The following TRIM14 variants were observed in gnomAD, a reference collection of about 807,000 sequenced individuals.
TRIM14 encodes the protein tripartite motif-containing protein 14.
Under a neutral mutation model 44.5 loss-of-function variants are expected in TRIM14, and 28 were observed. That is an observed-to-expected ratio of 0.63 (90% CI 0.47 to 0.86). The LOEUF (loss-of-function observed/expected upper bound fraction) is 0.86. Ranked by LOEUF, TRIM14 falls within the 40% of genes least tolerant of loss-of-function variation. The pLI, the probability that TRIM14 is intolerant of heterozygous loss-of-function variation, is 0.00. For missense variants in TRIM14, 607 were observed against 611.1 expected (o/e 0.99, Z 0.07); for synonymous variants, 299 against 269.2 (o/e 1.11, Z -1.08).
At chr9:98,076,593 T>G in intron 6 of TRIM14, 2 of 273,450 alleles carry the variant, frequency 7.3e-6, no homozygotes, top group Non-Finnish European at 1.4e-5. Context: ...CAGGCTAGTC[T>G]CAAACTCCTG....
At chr9:98,068,665 A>AAG (rs1463776822), downstream of TRIM14, among the ~76,000 whole-genome samples, 1 of 151,224 alleles carries the variant, frequency 6.6e-6, no homozygotes, top group African/African-American at 2.4e-5. Flanking sequence ...AAAAAAAAAA[A>AAG]AGCCAGGCAT....
At chr9:98,084,154 A>T (rs979707088), downstream of TRIM14, among the ~76,000 whole-genome samples, 1 of 152,076 alleles carries the variant, frequency 6.6e-6, no homozygotes, top group Non-Finnish European at 1.5e-5. Context: ...CTCAAGAGAC[A>T]GAAGAGTCAG....
chr9:98,112,917 C>A (rs2118663382), intron 1 of TRIM14, among the ~76,000 whole-genome samples: 1 of 151,226 alleles, frequency 6.6e-6, no homozygotes, highest in African/African-American at 2.4e-5. Context: ...AATTTGAGAC[C>A]AGCCTGGCTA....
chr9:98,047,630 GTTAC>G, the TRIM14 span, among the ~76,000 whole-genome samples: 1 of 152,138 alleles, frequency 6.6e-6, no homozygotes, highest in Admixed American at 6.6e-5. Flanking sequence ...GGTACCAGAA[GTTAC>G]TTCACATTAT....
intron 5 of TRIM14, 98 bp from the exon 6 acceptor site, chr9:98,088,103 G>C: frequency 7.7e-7 from 1 of 1,304,226 alleles, no homozygotes. Flanking sequence ...CACAAAATGC[G>C]AAGCGCGGAA....
At chr9:98,059,475 C>T in the TRIM14 span, among the ~76,000 whole-genome samples, 1 of 152,168 alleles carries the variant, frequency 6.6e-6, no homozygotes, top group Non-Finnish European at 1.5e-5. Flanking sequence ...AGTGCAGTGG[C>T]ACCATCATAG....
chr9:98,103,935 G>A (rs1043831673), intron 2 of TRIM14, among the ~76,000 whole-genome samples: 8 of 151,956 alleles, frequency 5.3e-5, no homozygotes, highest in African/African-American at 1.9e-4. Context: ...CACCCAGCCA[G>A]TCACGAGGGG....
the TRIM14 span, among the ~76,000 whole-genome samples, chr9:98,041,996 T>TA: frequency 2.6e-5 from 4 of 151,226 alleles, no homozygotes; most frequent in South Asian, 6.3e-4. Flanking sequence ...GGACATCTTT[T>TA]AAAAAAAAGT....
the TRIM14 span, among the ~76,000 whole-genome samples, chr9:98,063,556 T>C: frequency 6.6e-6 from 1 of 151,278 alleles, no homozygotes; most frequent in African/African-American, 2.4e-5. Context: ...TTTTTTTGTT[T>C]TTTGAGATGG....
In TRIM14 at chr9:98,087,620, G is replaced by A; in HGVS notation, c.1179C>T (p.Val393=). 6.2e-7 allele frequency: 1 copy of A among 1,601,406 alleles called. No homozygotes were observed. The highest frequency in any genetic ancestry group is 8.5e-7 in the Non-Finnish European group (1 of 1,177,570). The change falls in exon 6 of 6, where the codon GTC becomes GTT. Residue 393 remains valine, a synonymous_variant. Coordinates refer to ENST00000341469, the MANE Select transcript of TRIM14 (RefSeq NM_014788.4). ...GGACGCCGGCCTCGTAGTCCAGGAA[G>A]ACGCCGAGCCGGTCGAGGTCGTCGC... is the stretch of plus-strand genomic sequence containing the variant. The part of the protein sequence containing the change: ...RPRDDLDRLG[V]FLDYEAGVLA...
downstream of TRIM14, among the ~76,000 whole-genome samples, chr9:98,067,449 A>G (rs916627925): frequency 7.9e-5 from 12 of 152,144 alleles, no homozygotes; most frequent in Non-Finnish European, 1.6e-4. Flanking sequence ...TGGATGTGAC[A>G]TGGTGTCTCA....
In TRIM14 at chr9:98,091,938, G is replaced by T. The variant is rs751550332; in HGVS notation, c.764C>A (p.Pro255His). ...CAGCAATAGCGATCGCTCTGGTGAG[G>T]GGCTGGTTTTCAACAAGGTACCTGG... ...TKPGTLLKTS[P>H]SPERSLLLKY... Residue 255 changes from proline (P) to histidine (H), a missense_variant, in exon 5 of 6, where the codon CCC becomes CAC. Transcript: ENST00000341469. 1 of 1,610,688 alleles carries T rather than the reference G, an allele frequency of 6.2e-7. No individual in the cohort carries two copies. Among genetic ancestry groups the T allele is most frequent in the Non-Finnish European group, 8.5e-7 (1 of 1,177,584 alleles).
At chr9:98,061,805 A>G in the TRIM14 span, among the ~76,000 whole-genome samples, 1 of 151,330 alleles carries the variant, frequency 6.6e-6, no homozygotes, top group African/African-American at 2.4e-5. Context: ...AATAATAATA[A>G]TAATAGTAAT....
rs1825727340 is a variant in TRIM14 at position 98,085,125 on chromosome 9, AC to A, written c.*2344del. 6.6e-6 allele frequency: 1 copy of A among 152,160 alleles called. No homozygotes were observed. Among genetic ancestry groups the A allele is most frequent in the South Asian group, 2.1e-4 (1 of 4,818 alleles). The allele number at this position is 152,160 out of a possible 1,614,324, so 9.4% of individuals were successfully genotyped here. On this transcript the variant is annotated 3_prime_UTR_variant, in exon 6 of 6. Transcript: ENST00000341469. Reference sequence around the variant, plus strand: ...TCTGGGCCATAAGGCCTCATCTCAGACCCCCAAGGAAGGCAGTCCAAAGGTA... The same window carrying A: ...TCTGGGCCATAAGGCCTCATCTCAGACCCCAAGGAAGGCAGTCCAAAGGTA...
At chr9:98,068,452 T>G (rs558205786), downstream of TRIM14, among the ~76,000 whole-genome samples, 5 of 152,114 alleles carry the variant, frequency 3.3e-5, no homozygotes, top group African/African-American at 1.2e-4. Context: ...TTAGCTTTTT[T>G]TTTTCCTTTA....
the TRIM14 span, among the ~76,000 whole-genome samples, chr9:98,039,897 C>G: frequency 1.3e-4 from 20 of 152,124 alleles, no homozygotes; most frequent in Non-Finnish European, 2.8e-4. Flanking sequence ...GCATGAATTA[C>G]TCTTTCTCTA....
In TRIM14 at chr9:98,093,320, C is replaced by G. The variant is rs1007277158; in HGVS notation, c.701-1319G>C. On this transcript the variant is annotated intron_variant, in intron 4 of 5. Transcript: ENST00000341469. Reference sequence around the variant, plus strand: ...CTCTGTCTAGAATACCTCCCCCAGACGTAACAGCAGCAGCAATCATAATCG... The same window carrying G: ...CTCTGTCTAGAATACCTCCCCCAGAGGTAACAGCAGCAGCAATCATAATCG... Among the ~76,000 whole-genome samples the G allele has an allele frequency of 2.1e-4, 32 of 152,156 alleles. 2 individuals are homozygous for G.
intron 4 of TRIM14, among the ~76,000 whole-genome samples, chr9:98,093,064 A>G (rs1587949793): frequency 6.6e-6 from 1 of 152,176 alleles, no homozygotes; most frequent in Non-Finnish European, 1.5e-5. Context: ...GGGAAGTCCA[A>G]CTTCTCAAAT....
At chr9:98,092,434 C>T (rs2118293954) in intron 4 of TRIM14, 1 of 335,002 alleles carries the variant, frequency 3.0e-6, no homozygotes, top group South Asian at 2.2e-5. Flanking sequence ...AGCCCCCCCA[C>T]ACCCTTCCCC....
Sources: gnomAD v4.1 joint callset for allele counts (sites outside exome capture counted in the v4.1 genomes callset) on GRCh38, gnomAD v4.1.1 for gene constraint, MANE v1.5 for transcripts, NCBI Gene and HGNC (gene_info 2026-07-23, HGNC 2026-07-21) for gene names.